RHBDD1: variants seen among roughly 807,000 people sequenced by gnomAD.
The protein encoded by RHBDD1 is rhomboid domain containing 1.
In RHBDD1, 38 loss-of-function variants were observed where a neutral mutation model predicts 36.3. That is an observed-to-expected ratio of 1.05 (90% CI 0.81 to 1.37). RHBDD1 has a LOEUF of 1.37. RHBDD1 is among the 40% of genes most tolerant of loss of function. The probability of loss-of-function intolerance (pLI) is 0.00; values close to 1 mark genes in which losing one functional copy is unlikely to be tolerated. For missense variants in RHBDD1, 393 were observed against 377.6 expected (o/e 1.04, Z -0.34); for synonymous variants, 151 against 136.5 (o/e 1.11, Z -0.74).
At chr2:226,868,070 T>C (rs571405447) in intron 5 of RHBDD1, among the ~76,000 whole-genome samples, 249 of 152,310 alleles carry the variant, frequency 1.6e-3, no homozygotes, top group African/African-American at 5.7e-3. Flanking sequence ...AGTAGAACTT[T>C]TTAAACAAAA....
chr2:226,858,243 A>T (rs1383172075), intron 3 of RHBDD1, among the ~76,000 whole-genome samples: 1 of 152,236 alleles, frequency 6.6e-6, no homozygotes, highest in Non-Finnish European at 1.5e-5. Context: ...TACCAAAGGC[A>T]TGAAAGTAGT....
chr2:226,867,633 AG>A (rs1283777208), intron 5 of RHBDD1: 2 of 985,240 alleles, frequency 2.0e-6, no homozygotes, highest in Non-Finnish European at 2.4e-6. Context: ...TCTGAAAGCA[AG>A]ATTCCAAAGA....
intron 5 of RHBDD1, among the ~76,000 whole-genome samples, chr2:226,892,643 G>A (rs1946780830): frequency 6.6e-6 from 1 of 152,132 alleles, no homozygotes; most frequent in Admixed American, 6.5e-5. Flanking sequence ...TACCAAGAAG[G>A]GAAACAGATG....
the RHBDD1 span, among the ~76,000 whole-genome samples, chr2:226,826,896 TAA>T: frequency 6.6e-6 from 1 of 152,186 alleles, no homozygotes; most frequent in Non-Finnish European, 1.5e-5. Flanking sequence ...CATTTCTGTA[TAA>T]AGAGTCAAAG....
At chr2:226,883,667 A>G (rs111671089) in intron 5 of RHBDD1, among the ~76,000 whole-genome samples, 1 of 152,306 alleles carries the variant, frequency 6.6e-6, no homozygotes, top group African/African-American at 2.4e-5. Flanking sequence ...TTAATAATCA[A>G]TTTTGGTGAC....
chr2:226,835,001 C>A (rs754548256), upstream of RHBDD1, among the ~76,000 whole-genome samples: 1 of 152,176 alleles, frequency 6.6e-6, no homozygotes, highest in African/African-American at 2.4e-5. Flanking sequence ...GTTTTGAATT[C>A]CTGACCTCCG....
At chr2:226,825,909 T>C in the RHBDD1 span, among the ~76,000 whole-genome samples, 2 of 151,994 alleles carry the variant, frequency 1.3e-5, no homozygotes, top group Middle Eastern at 3.4e-3. Flanking sequence ...CTATTATTAT[T>C]AAGAAAATAA....
chr2:226,803,331 TGTGA>T, the RHBDD1 span, among the ~76,000 whole-genome samples: 12 of 150,990 alleles, frequency 7.9e-5, no homozygotes, highest in African/African-American at 2.7e-4. Flanking sequence ...TGTGTGTGTG[TGTGA>T]GAGAGAGAGA....
intron 5 of RHBDD1, among the ~76,000 whole-genome samples, chr2:226,881,455 T>C (rs1455067923): frequency 1.3e-5 from 2 of 152,220 alleles, no homozygotes; most frequent in Non-Finnish European, 2.9e-5. Context: ...AATGATTTCT[T>C]CTGTAGTTCC....
intron 8 of RHBDD1, among the ~76,000 whole-genome samples, chr2:226,950,159 C>A (rs758015118): frequency 1.3e-5 from 2 of 152,158 alleles, no homozygotes; most frequent in African/African-American, 2.4e-5. Flanking sequence ...ATAGATAGAT[C>A]TCTGTCTAAC....
intron 4 of RHBDD1, among the ~76,000 whole-genome samples, chr2:226,866,174 G>A (rs1474167243): frequency 6.6e-6 from 1 of 152,178 alleles, no homozygotes; most frequent in South Asian, 2.1e-4. Context: ...AGGTTCAAGC[G>A]ATTCTCCTGC....
chr2:226,822,473 A>G, the RHBDD1 span, among the ~76,000 whole-genome samples: 1 of 151,814 alleles, frequency 6.6e-6, no homozygotes, highest in Non-Finnish European at 1.5e-5. Flanking sequence ...TGTCTCTACT[A>G]AAAATACAAA....
chr2:226,820,289 C>T, the RHBDD1 span, among the ~76,000 whole-genome samples: 2 of 152,064 alleles, frequency 1.3e-5, no homozygotes, highest in African/African-American at 2.4e-5. Context: ...TCCACAGGAC[C>T]TAAGAAAAGT....
chr2:226,865,442 C>G (rs1944244477), intron 4 of RHBDD1, among the ~76,000 whole-genome samples: 1 of 152,140 alleles, frequency 6.6e-6, no homozygotes, highest in Non-Finnish European at 1.5e-5. Flanking sequence ...ATAGGGAGTT[C>G]TCAAAAAAGA....
intron 3 of RHBDD1, among the ~76,000 whole-genome samples, chr2:226,849,614 C>G (rs1034748720): frequency 6.6e-6 from 1 of 152,232 alleles, no homozygotes; most frequent in Non-Finnish European, 1.5e-5. Context: ...TCTCTGGCCC[C>G]GGATGTCCTC....
At chr2:226,914,475 CTG>C (rs982027067) in intron 8 of RHBDD1, 124 bp downstream of exon 8, 1 of 1,117,820 alleles carries the variant, frequency 8.9e-7, no homozygotes. Context: ...TAGATGAAAA[CTG>C]TGTGCAGATT....
chr2:226,871,932 G>A (rs543977530), intron 5 of RHBDD1, among the ~76,000 whole-genome samples: 1 of 152,314 alleles, frequency 6.6e-6, no homozygotes, highest in South Asian at 2.1e-4. Flanking sequence ...TACTATATGA[G>A]GTGACACTTG....
chr2:226,826,077 A>G, the RHBDD1 span, among the ~76,000 whole-genome samples: 1 of 152,232 alleles, frequency 6.6e-6, no homozygotes, highest in African/African-American at 2.4e-5. Context: ...AATCTAAAAT[A>G]ATAATGAGTT....
Position 226,964,635 on chromosome 2 carries a change from A to G in RHBDD1, c.857-30796A>G, listed in dbSNP as rs554803307. 1.6e-4 allele frequency among the ~76,000 whole-genome samples: 24 copies of G among 152,362 alleles called. 1 individual carries two copies. The South Asian group carries it at 5.0e-3, about 32-fold the overall frequency. ...CTAAAATTACAAATAAACATATTCA[A>G]GGACATCTCAGATGCATCATGTACA... On this transcript the variant is annotated intron_variant, in intron 8 of 8. Coordinates refer to ENST00000392062, the MANE Select transcript of RHBDD1 (RefSeq NM_001167608.3).
Sources: gnomAD v4.1 joint callset for allele counts (sites outside exome capture counted in the v4.1 genomes callset) on GRCh38, gnomAD v4.1.1 for gene constraint, MANE v1.5 for transcripts, NCBI Gene and HGNC (gene_info 2026-07-23, HGNC 2026-07-21) for gene names.